DMKN: variants seen among roughly 807,000 people sequenced by gnomAD.
DMKN encodes epidermis-specific secreted protein SK30/SK89.
A neutral mutation model predicts 67.6 loss-of-function variants in DMKN; 58 were observed. That is an observed-to-expected ratio of 0.86 (90% CI 0.69 to 1.07). The LOEUF is 1.07. Among genes scored for constraint, DMKN ranks in the 50% least tolerant of loss-of-function variants. The pLI is 0.00. For missense variants in DMKN, 596 were observed against 601.5 expected (o/e 0.99, Z 0.10); for synonymous variants, 240 against 232.3 (o/e 1.03, Z -0.30).
chr19:35,512,270 T>C, intron 3 of DMKN, 151 bp downstream of exon 3: 1 of 1,056,050 alleles, frequency 9.5e-7, no homozygotes, highest in Non-Finnish European at 1.3e-6. Flanking sequence ...AGTGCTGGGA[T>C]TACAGGTGTG....
intron 7 of DMKN, among the ~76,000 whole-genome samples, chr19:35,508,735 T>C (rs1487876093): frequency 6.6e-6 from 1 of 151,814 alleles, no homozygotes. Flanking sequence ...GATGGAGGGG[T>C]GGGACTAGAC....
chr19:35,508,097 TG>T, intron 7 of DMKN: 1 of 1,416,612 alleles, frequency 7.1e-7, no homozygotes, highest in Non-Finnish European at 9.7e-7. Context: ...CAGGTAGACC[TG>T]GCAGGGATGT....
chr19:35,506,221 T>C, intron 7 of DMKN: 1 of 1,468,370 alleles, frequency 6.8e-7, no homozygotes, highest in Non-Finnish European at 9.0e-7. Flanking sequence ...GTCCAAGGCT[T>C]ATGCTTCCTA....
Position 35,502,139 on chromosome 19 carries a change from A to C in DMKN, c.1236T>G (p.Ile412Met). The change falls in exon 11 of 16, where the codon ATT becomes ATG. Residue 412 changes from isoleucine (I) to methionine (M), a missense_variant. Transcript: ENST00000339686. ...NTPFLNWKAI[I>M]EGADASSLQK... ...TGAGAAGTCCTGCCCCCCTTACCTC[A>C]ATAATTGCTTTCCAGTTGAGGAAAG... is the stretch of plus-strand genomic sequence containing the variant. 1 of 1,614,034 alleles carries C rather than the reference A, an allele frequency of 6.2e-7. No homozygotes were observed. Among genetic ancestry groups the C allele is most frequent in the Non-Finnish European group, 8.5e-7 (1 of 1,179,996 alleles).
chr19:35,510,341 C>A, intron 5 of DMKN, 89 bp from the exon 6 acceptor site: 3 of 1,552,764 alleles, frequency 1.9e-6, no homozygotes, highest in Non-Finnish European at 2.6e-6. Context: ...TTTGTTGGAA[C>A]CCCAATCAGA....
intron 11 of DMKN, 124 bp from the exon 12 acceptor site, chr19:35,500,704 A>G: frequency 9.4e-7 from 1 of 1,063,218 alleles, no homozygotes; most frequent in Non-Finnish European, 1.3e-6. Flanking sequence ...GAAGGCAGTG[A>G]GCCTGGAGGA....
At chr19:35,508,428 G>T in intron 7 of DMKN, 1 of 602,636 alleles carries the variant, frequency 1.7e-6, no homozygotes. Context: ...CACTGGAAAA[G>T]ATAAATGGTA....
rs893313130 is a variant in DMKN, at chr19:35,504,445, C to T, written c.1134+1273G>A. Among the ~76,000 whole-genome samples, 9 of 151,876 alleles carry T rather than the reference C, an allele frequency of 5.9e-5. No individual in the cohort carries two copies. In the East Asian group the frequency reaches 1.4e-3, roughly 23 times the overall value. ...TACAAACATTACCCGGGTGTGGTGGCGGGCACCTGTAAACTCAGCTACTGG... is the reference window on the plus strand; with the variant it reads ...TACAAACATTACCCGGGTGTGGTGGTGGGCACCTGTAAACTCAGCTACTGG... On this transcript the variant is annotated intron_variant, in intron 9 of 15. Coordinates refer to ENST00000339686, the MANE Select transcript of DMKN (RefSeq NM_033317.5).
At chr19:35,509,192 G>A (rs1402362048) in intron 7 of DMKN, among the ~76,000 whole-genome samples, 1 of 152,112 alleles carries the variant, frequency 6.6e-6, no homozygotes, top group African/African-American at 2.4e-5. Context: ...CTGCCCTCCA[G>A]CCTGGGTAAC....
At chr19:35,502,356 T>A (rs115227767) in intron 10 of DMKN, among the ~76,000 whole-genome samples, 173 bp from the exon 11 acceptor site, 1,731 of 151,942 alleles carry the variant, frequency 0.011, 32 homozygotes, top group African/African-American at 0.039. Flanking sequence ...TGAGATGGTA[T>A]TGGTGATAAG....
At chr19:35,501,163 A>G (rs1487036300) in intron 11 of DMKN, among the ~76,000 whole-genome samples, 1 of 152,156 alleles carries the variant, frequency 6.6e-6, no homozygotes, top group Non-Finnish European at 1.5e-5. Context: ...CGTTGAAAAG[A>G]AGTTCAGTTC....
intron 11 of DMKN, chr19:35,501,811 T>G: frequency 6.4e-7 from 1 of 1,560,546 alleles, no homozygotes. Context: ...CTGTGCACCC[T>G]GCGGTACCCA....
intron 13 of DMKN, among the ~76,000 whole-genome samples, chr19:35,499,584 G>A (rs375477404): frequency 2.0e-5 from 3 of 151,802 alleles, no homozygotes; most frequent in Non-Finnish European, 2.9e-5. Flanking sequence ...ATCTTCCCCC[G>A]CAAAAAAAGG....
At chr19:35,507,666 C>A in intron 7 of DMKN, 1 of 636,516 alleles carries the variant, frequency 1.6e-6, no homozygotes, top group South Asian at 1.9e-5. Context: ...GAAAGAGGTC[C>A]TTCTCTCGGG....
At position 35,513,412 on chromosome 19, in the gene DMKN, C is replaced by T. The variant is rs758003453; in HGVS notation, c.64G>A (p.Gly22Ser). ...CTTTCCTCTCCGCTCTGCAGGGGGCCAGCCTCCCCACTGCCCAGGCAGAGG... is the reference window on the plus strand; with the variant it reads ...CTTTCCTCTCCGCTCTGCAGGGGGCTAGCCTCCCCACTGCCCAGGCAGAGG... Reference protein sequence around the residue: ...LALCLGSGEAGPLQSGEESTG... With the variant: ...LALCLGSGEASPLQSGEESTG... Residue 22 changes from glycine (G) to serine (S), a missense_variant, in exon 1 of 16, where the codon GGC becomes AGC. By Grantham distance (56) the Gly-to-Ser change is moderately conservative (BLOSUM62 0). Coordinates refer to ENST00000339686, the MANE Select transcript of DMKN (RefSeq NM_033317.5). 6.2e-6 allele frequency: 10 copies of T among 1,605,090 alleles called. No individual in the cohort carries two copies. In the Admixed American group the frequency reaches 1.7e-4, roughly 27 times the overall value.
rs1568654501 is a variant in DMKN, at chr19:35,513,188, G to C, written c.288C>G (p.Gly96=). 5.0e-6 allele frequency: 8 copies of C among 1,614,134 alleles called. No individual in the cohort carries two copies. The highest frequency in any genetic ancestry group is 6.8e-6 in the Non-Finnish European group (8 of 1,180,000). ...VPGFGVADAL[G]NRVGEAAHAL... ...CATGGGCTGCTTCCCCGACCCTGTT[G>C]CCCAAAGCATCTGCTACGCCAAAGC... Residue 96 remains glycine (G), a synonymous_variant, in exon 1 of 16, where the codon GGC becomes GGG. Transcript: ENST00000339686.
chr19:35,503,191 T>C, intron 9 of DMKN: 1 of 1,400,228 alleles, frequency 7.1e-7, no homozygotes. Flanking sequence ...GTGTCCCCTT[T>C]CCACCTGCCG....
intron 12 of DMKN, 66 bp from the exon 13 acceptor site, chr19:35,500,095 A>T (rs2068098289): frequency 6.4e-7 from 1 of 1,559,372 alleles, no homozygotes; most frequent in Admixed American, 1.7e-5. Context: ...TGGAATAAAC[A>T]TCCCACCTTC....
intron 5 of DMKN, chr19:35,510,544 C>T (rs1340823108): frequency 6.5e-7 from 1 of 1,533,536 alleles, no homozygotes; most frequent in Non-Finnish European, 8.8e-7. Context: ...GCGCAGTAGC[C>T]GCGATCCTGC....
Sources: allele counts gnomAD v4.1 joint callset (sites outside exome capture counted in the v4.1 genomes callset), GRCh38; gene constraint gnomAD v4.1.1; transcripts MANE v1.5; gene names NCBI Gene and HGNC (gene_info 2026-07-23, HGNC 2026-07-21).